The following SF3A1 variants were observed in gnomAD, a reference collection of about 807,000 sequenced individuals.
SF3A1 encodes the protein splicing factor 3a subunit 1, also known as SAP 114.
A neutral mutation model predicts 89.9 loss-of-function variants in SF3A1; 13 were observed. The observed-to-expected ratio is 0.14, with a 90% CI of 0.09 to 0.23. The LOEUF (loss-of-function observed/expected upper bound fraction) is 0.23. Among genes scored for constraint, SF3A1 ranks in the 10% least tolerant of loss-of-function variants. The pLI is 1.00. For synonymous variants in SF3A1, 405 were observed against 374.4 expected, an observed-to-expected ratio of 1.08 and a Z score of -0.94; for missense variants, 604 against 1,022.1, an observed-to-expected ratio of 0.59 and a Z score of 5.58.
rs1371374562 is a variant in SF3A1 at position 30,340,296 on chromosome 22, C to T, written c.1275G>A (p.Met425Ile). ...ITGEKIPASK[M>I]QEHMRIGLLD... ...GAAGTCCAATGCGCATGTGTTCCTGCATTTTGCTGGCGGGGATCTTCTCCC... is the reference window on the plus strand; with the variant it reads ...GAAGTCCAATGCGCATGTGTTCCTGTATTTTGCTGGCGGGGATCTTCTCCC... The change falls in exon 9 of 16, where the codon ATG becomes ATA. Residue 425 changes from methionine to isoleucine, a missense_variant. Physicochemically the swap from Met to Ile is conservative, Grantham distance 10. Coordinates refer to ENST00000215793, the MANE Select transcript of SF3A1 (RefSeq NM_005877.6). The T allele has an allele frequency of 6.2e-7, 1 of 1,613,442 alleles. No individual in the cohort carries two copies. The highest frequency in any genetic ancestry group is 8.5e-7 in the Non-Finnish European group (1 of 1,179,822).
Position 30,335,905 on chromosome 22 carries a change from T to C in SF3A1, c.2107-152A>G, listed in dbSNP as rs141576688. On this transcript the variant is annotated intron_variant, in intron 13 of 15. Coordinates refer to ENST00000215793, the MANE Select transcript of SF3A1 (RefSeq NM_005877.6). ...TCACCACTGATAACCCCTTGTGAGGTTGTACAAGTCACCCCCCTTTGCAAG... is the reference window on the plus strand; with the variant it reads ...TCACCACTGATAACCCCTTGTGAGGCTGTACAAGTCACCCCCCTTTGCAAG... The C allele has an allele frequency of 3.7e-4, 241 of 660,260 alleles. 2 individuals are homozygous for C. The East Asian group carries it at 5.7e-3, about 16-fold the overall frequency. The allele number at this position is 660,260 out of a possible 1,614,324, so 40.9% of individuals were successfully genotyped here. A position where few individuals can be genotyped will look rare whatever the true frequency, so the allele number is the denominator to read the frequency against.
Position 30,356,819 on chromosome 22 carries a change from C to CG in SF3A1, c.-28dup, listed in dbSNP as rs1215983497. ...ACTGCGACGCTCAGGGCTGCCAGTC[C>CG]GCCTCGGTGTCGGTGAGCGGTGCCG... On this transcript the variant is annotated 5_prime_UTR_variant, in exon 1 of 16. Transcript: ENST00000215793. 3 of 1,329,236 alleles carry CG rather than the reference C, an allele frequency of 2.3e-6. No individual in the cohort carries two copies. Among genetic ancestry groups the CG allele is most frequent in the Non-Finnish European group, 1.9e-6 (2 of 1,030,954 alleles). The allele number at this position is 1,329,236 out of a possible 1,614,324, so 82.3% of individuals were successfully genotyped here.
At chr22:30,351,924 T>G (rs1931606737) in intron 2 of SF3A1, among the ~76,000 whole-genome samples, 1 of 152,248 alleles carries the variant, frequency 6.6e-6, no homozygotes, top group Admixed American at 6.5e-5. Flanking sequence ...CCCTAGAGAA[T>G]GTACTGACCT....
chr22:30,342,772 G>C (rs1327325408), intron 5 of SF3A1, 33 bp downstream of exon 5: 1 of 1,378,480 alleles, frequency 7.3e-7, no homozygotes, highest in Admixed American at 1.7e-5. Flanking sequence ...CCAACCACCA[G>C]TAACTGGTTG....
chr22:30,344,406 T>C (rs1373359934), intron 4 of SF3A1, among the ~76,000 whole-genome samples: 1 of 152,246 alleles, frequency 6.6e-6, no homozygotes, highest in Admixed American at 6.5e-5. Context: ...TTAAGGCACT[T>C]TATAAGCTGA....
chr22:30,340,471 G>A, intron 8 of SF3A1, 90 bp from the exon 9 acceptor site: 4 of 1,333,140 alleles, frequency 3.0e-6, no homozygotes, highest in Non-Finnish European at 4.3e-6. Flanking sequence ...CATTCATCAA[G>A]GCATCTATTC....
chr22:30,344,506 G>A (rs912523006), intron 4 of SF3A1, among the ~76,000 whole-genome samples: 1 of 152,172 alleles, frequency 6.6e-6, no homozygotes, highest in African/African-American at 2.4e-5. Context: ...TCACCTTTCT[G>A]AGCCTGTTTC....
intron 12 of SF3A1, 24 bp downstream of exon 12, chr22:30,337,666 G>T: frequency 1.9e-6 from 2 of 1,035,012 alleles, no homozygotes; most frequent in Non-Finnish European, 2.8e-6. Flanking sequence ...TAATGGCCTG[G>T]AAAATGATGC....
intron 1 of SF3A1, among the ~76,000 whole-genome samples, chr22:30,353,327 G>C (rs1045897671): frequency 6.6e-6 from 1 of 152,148 alleles, no homozygotes; most frequent in Non-Finnish European, 1.5e-5. Context: ...CCAGGAATCT[G>C]CATTTTTACT....
At chr22:30,349,931 C>T (rs916595461) in intron 2 of SF3A1, among the ~76,000 whole-genome samples, 1 of 152,146 alleles carries the variant, frequency 6.6e-6, no homozygotes, top group Non-Finnish European at 1.5e-5. Flanking sequence ...AGGCGTGAGC[C>T]ACCTAACCTG....
At chr22:30,353,801 A>G (rs1931675032) in intron 1 of SF3A1, among the ~76,000 whole-genome samples, 1 of 151,918 alleles carries the variant, frequency 6.6e-6, no homozygotes, top group East Asian at 1.9e-4. Context: ...CCGGTGTCTG[A>G]GGAGTTTTGT....
intron 4 of SF3A1, 171 bp downstream of exon 4, chr22:30,344,762 A>C: frequency 1.3e-6 from 1 of 773,898 alleles, no homozygotes; most frequent in East Asian, 2.5e-5. Flanking sequence ...CACTTAAAGA[A>C]ATAACTGAAT....
At chr22:30,345,621 T>A (rs1931395514) in intron 3 of SF3A1, among the ~76,000 whole-genome samples, 1 of 152,184 alleles carries the variant, frequency 6.6e-6, no homozygotes, top group African/African-American at 2.4e-5. Flanking sequence ...GTACTGTGAA[T>A]CCTCTTTACA....
chr22:30,341,240 G>C (rs894939748), intron 7 of SF3A1, among the ~76,000 whole-genome samples: 1 of 152,210 alleles, frequency 6.6e-6, no homozygotes, highest in East Asian at 1.9e-4. Flanking sequence ...AATTATTTCC[G>C]AGTGGGGGAG....
intron 7 of SF3A1, among the ~76,000 whole-genome samples, chr22:30,341,250 G>T (rs1239138989): frequency 6.6e-6 from 1 of 152,218 alleles, no homozygotes; most frequent in Non-Finnish European, 1.5e-5. Flanking sequence ...GAGTGGGGGA[G>T]AACAGTCTGG....
At chr22:30,351,174 C>T (rs533514912) in intron 2 of SF3A1, among the ~76,000 whole-genome samples, 25 of 152,328 alleles carry the variant, frequency 1.6e-4, no homozygotes, top group African/African-American at 5.8e-4. Flanking sequence ...TGGCGCACGC[C>T]TGTTGTCCCA....
At chr22:30,345,540 T>C (rs2145813608) in intron 3 of SF3A1, among the ~76,000 whole-genome samples, 1 of 152,268 alleles carries the variant, frequency 6.6e-6, no homozygotes, top group East Asian at 1.9e-4. Flanking sequence ...GCAGAAGGCC[T>C]ACATGTGTGC....
At chr22:30,339,640 C>T (rs372126683) in intron 9 of SF3A1, among the ~76,000 whole-genome samples, 1 of 152,198 alleles carries the variant, frequency 6.6e-6, no homozygotes, top group East Asian at 1.9e-4. Flanking sequence ...CCTGTAATCC[C>T]AGCTACTTGG....
chr22:30,342,847 C>T lies in SF3A1; in HGVS notation c.684G>A (p.Lys228=), dbSNP rs575142334. ...GGGGGTTTTCAGCCTCTTTCTTGAG[C>T]TTTGAAAATAAACCTTTGGGTGGAA... ...ILIPPKGLFS[K]LKKEAENPRE... The change falls in exon 5 of 16, where the codon AAG becomes AAA. Residue 228 remains lysine (K), a synonymous_variant. Coordinates refer to ENST00000215793, the MANE Select transcript of SF3A1 (RefSeq NM_005877.6). The T allele has an allele frequency of 2.5e-6, 4 of 1,613,004 alleles. No homozygotes were observed. The highest frequency in any genetic ancestry group is 1.3e-5 in the African/African-American group (1 of 74,948).
Sources: gnomAD v4.1 joint callset for allele counts (sites outside exome capture counted in the v4.1 genomes callset) on GRCh38, gnomAD v4.1.1 for gene constraint, MANE v1.5 for transcripts, NCBI Gene and HGNC (gene_info 2026-07-23, HGNC 2026-07-21) for gene names.